ZFPM2: variants seen among roughly 807,000 people sequenced by gnomAD.
ZFPM2 encodes the protein zinc finger protein ZFPM2.
In ZFPM2, 20 loss-of-function variants were observed where a neutral mutation model predicts 98.6. That is an observed-to-expected ratio of 0.20 (90% confidence interval 0.14 to 0.29). The LOEUF is 0.29. Among genes scored for constraint, ZFPM2 ranks in the 10% least tolerant of loss-of-function variants. ZFPM2 has a pLI of 1.00. For missense variants in ZFPM2, 1,310 were observed against 1,388.6 expected, an observed-to-expected ratio of 0.94 and a Z score of 0.90; for synonymous variants, 518 against 502.7, an observed-to-expected ratio of 1.03 and a Z score of -0.41.
intron 5 of ZFPM2, among the ~76,000 whole-genome samples, chr8:105,783,203 C>G: frequency 1.7e-5 from 1 of 57,516 alleles, no homozygotes; most frequent in African/African-American, 6.3e-5. Flanking sequence ...CCTTGTGTTT[C>G]TTTATGGTTT....
At chr8:105,399,395 ATG>A (rs1189902253) in intron 1 of ZFPM2, among the ~76,000 whole-genome samples, 1 of 152,138 alleles carries the variant, frequency 6.6e-6, no homozygotes, top group African/African-American at 2.4e-5. Context: ...AGGTTGGGTT[ATG>A]TTTCGGAGGT....
chr8:105,709,363 T>C (rs1811329205), intron 5 of ZFPM2, among the ~76,000 whole-genome samples: 1 of 152,216 alleles, frequency 6.6e-6, no homozygotes, highest in Non-Finnish European at 1.5e-5. Flanking sequence ...CATATCTTAA[T>C]GGAGTTGGTC....
intron 5 of ZFPM2, among the ~76,000 whole-genome samples, chr8:105,766,508 T>C (rs551816295): frequency 9.9e-5 from 15 of 151,842 alleles, no homozygotes; most frequent in African/African-American, 3.6e-4. Flanking sequence ...AGTGCGCAGC[T>C]CTGGTTGGAA....
At chr8:105,470,579 A>T (rs931056821) in intron 3 of ZFPM2, among the ~76,000 whole-genome samples, 11 of 152,158 alleles carry the variant, frequency 7.2e-5, no homozygotes, top group Non-Finnish European at 1.6e-4. Context: ...GGAGTTTGAG[A>T]TCAGCCTGGA....
At chr8:105,725,327 A>C (rs986943694) in intron 5 of ZFPM2, among the ~76,000 whole-genome samples, 5 of 151,828 alleles carry the variant, frequency 3.3e-5, no homozygotes, top group African/African-American at 1.2e-4. Context: ...TTCTGAAAAA[A>C]AATTCTCTGA....
intron 5 of ZFPM2, among the ~76,000 whole-genome samples, chr8:105,639,535 A>G (rs762503680): frequency 6.6e-6 from 1 of 152,002 alleles, no homozygotes; most frequent in Non-Finnish European, 1.5e-5. Context: ...ATAAAAATCT[A>G]TATTTCATGT....
intron 4 of ZFPM2, among the ~76,000 whole-genome samples, chr8:105,584,613 A>G (rs923066848): frequency 6.6e-5 from 10 of 152,186 alleles, no homozygotes; most frequent in African/African-American, 2.4e-4. Context: ...ATAAGTCTTT[A>G]TGTGTTTGTG....
intron 6 of ZFPM2, chr8:105,795,900 A>G (rs550674608): frequency 1.9e-4 from 67 of 345,770 alleles, no homozygotes; most frequent in South Asian, 1.5e-3. Flanking sequence ...GTTAGTAGGT[A>G]AGCAAAAAAT....
At chr8:105,585,487 A>G (rs1163962092) in intron 4 of ZFPM2, among the ~76,000 whole-genome samples, 2 of 152,140 alleles carry the variant, frequency 1.3e-5, no homozygotes, top group Non-Finnish European at 2.9e-5. Context: ...ATAGAGAGTA[A>G]TTTTATGTGT....
rs1371282753 is a variant in ZFPM2, at chr8:105,798,833, G to A, written c.849G>A (p.Val283=). The change falls in exon 7 of 8, where the codon GTG becomes GTA. Residue 283 remains valine (V), a synonymous_variant. Coordinates refer to ENST00000407775, the MANE Select transcript of ZFPM2 (RefSeq NM_012082.4). The part of the protein sequence containing the change: ...CSGRQREAAP[V]SEENEDSAHQ... ...GGAGGCAAAGAGAAGCTGCTCCGGT[G>A]TCAGAGGAAAATGAAGACAGTGCCC... The A allele has an allele frequency of 3.1e-6, 5 of 1,613,870 alleles. No individual in the cohort carries two copies. The highest frequency in any genetic ancestry group is 3.4e-6 in the Non-Finnish European group (4 of 1,179,890).
chr8:105,457,236 CTT>C (rs1812610658), intron 3 of ZFPM2, among the ~76,000 whole-genome samples: 1 of 152,072 alleles, frequency 6.6e-6, no homozygotes, highest in Non-Finnish European at 1.5e-5. Flanking sequence ...GTTATTATAT[CTT>C]TGTCTTTATA....
chr8:105,773,686 GATAA>G (rs1813035535), intron 5 of ZFPM2, among the ~76,000 whole-genome samples: 1 of 150,406 alleles, frequency 6.6e-6, no homozygotes, highest in African/African-American at 2.4e-5. Flanking sequence ...AAATAAAAAA[GATAA>G]ATAAAAATAA....
At chr8:105,752,459 CA>C (rs1411836723) in intron 5 of ZFPM2, among the ~76,000 whole-genome samples, 3 of 152,228 alleles carry the variant, frequency 2.0e-5, no homozygotes, top group Non-Finnish European at 2.9e-5. Context: ...GCTGCCAGAT[CA>C]ATAGATTATT....
At chr8:105,732,390 A>G (rs1019652186) in intron 5 of ZFPM2, among the ~76,000 whole-genome samples, 1 of 151,834 alleles carries the variant, frequency 6.6e-6, no homozygotes, top group Non-Finnish European at 1.5e-5. Flanking sequence ...GTGACATTTG[A>G]TAAGAAACTT....
At chr8:105,359,202 C>G (rs1563620306) in intron 1 of ZFPM2, among the ~76,000 whole-genome samples, 1 of 152,050 alleles carries the variant, frequency 6.6e-6, no homozygotes, top group Non-Finnish European at 1.5e-5. Context: ...ACTTCTCTCT[C>G]TCTCTTGCCT....
intron 1 of ZFPM2, among the ~76,000 whole-genome samples, chr8:105,359,280 C>T (rs1240618925): frequency 3.9e-5 from 6 of 152,094 alleles, no homozygotes; most frequent in Admixed American, 2.0e-4. Flanking sequence ...CCTTCCCAGC[C>T]ATGCAGAACT....
At chr8:105,348,502 A>T (rs1202281515) in intron 1 of ZFPM2, among the ~76,000 whole-genome samples, 2 of 152,176 alleles carry the variant, frequency 1.3e-5, no homozygotes, top group Non-Finnish European at 2.9e-5. Flanking sequence ...TATTGATTAT[A>T]TTGCTGTTTT....
intron 5 of ZFPM2, among the ~76,000 whole-genome samples, chr8:105,682,751 G>T (rs1373549602): frequency 6.6e-6 from 1 of 152,084 alleles, no homozygotes; most frequent in Non-Finnish European, 1.5e-5. Flanking sequence ...TCTAAAAGAT[G>T]AGTAAAGCTG....
chr8:105,714,937 A>G (rs1338564530), intron 5 of ZFPM2, among the ~76,000 whole-genome samples: 1 of 152,158 alleles, frequency 6.6e-6, no homozygotes, highest in Non-Finnish European at 1.5e-5. Context: ...ATTATTATCT[A>G]TTTCAATAAA....
Sources: allele counts gnomAD v4.1 joint callset (sites outside exome capture counted in the v4.1 genomes callset), GRCh38; gene constraint gnomAD v4.1.1; transcripts MANE v1.5; gene names NCBI Gene and HGNC (gene_info 2026-07-23, HGNC 2026-07-21).